EXOC4: variants seen among roughly 807,000 people sequenced by gnomAD.
EXOC4 encodes the protein exocyst complex component 4.
EXOC4 carries 71 observed loss-of-function variants against 107.2 expected under a neutral mutation model. That is an observed-to-expected ratio of 0.66 (90% CI 0.55 to 0.81). The LOEUF is 0.81. EXOC4 is among the 30% of genes least tolerant of loss of function. The pLI is 0.00. For synonymous variants in EXOC4, 456 were observed against 441.2 expected, an observed-to-expected ratio of 1.03 and a Z score of -0.42; for missense variants, 1,108 against 1,189.6, an observed-to-expected ratio of 0.93 and a Z score of 1.01.
intron 17 of EXOC4, among the ~76,000 whole-genome samples, chr7:134,011,192 G>T (rs577491386): frequency 6.6e-6 from 1 of 152,250 alleles, no homozygotes; most frequent in South Asian, 2.1e-4. Flanking sequence ...AACTTGAGCT[G>T]TCATGCACCT....
intron 2 of EXOC4, among the ~76,000 whole-genome samples, chr7:133,285,109 C>G (rs1490754718): frequency 6.6e-6 from 1 of 152,154 alleles, no homozygotes; most frequent in African/African-American, 2.4e-5. Flanking sequence ...CCTTCATCCT[C>G]TCTATATAGT....
At chr7:133,459,419 G>A (rs752698420) in intron 7 of EXOC4, among the ~76,000 whole-genome samples, 7 of 152,160 alleles carry the variant, frequency 4.6e-5, no homozygotes, top group African/African-American at 1.7e-4. Context: ...CCTGGCTGTG[G>A]TTGTCTTTTT....
chr7:133,354,188 C>G (rs1278059671), intron 5 of EXOC4, among the ~76,000 whole-genome samples: 2 of 151,120 alleles, frequency 1.3e-5, no homozygotes, highest in Non-Finnish European at 3.0e-5. Flanking sequence ...CCATATTTGC[C>G]TCTCTATTTC....
intron 10 of EXOC4, among the ~76,000 whole-genome samples, chr7:133,814,709 TG>T (rs915015017): frequency 9.9e-5 from 15 of 152,202 alleles, no homozygotes; most frequent in African/African-American, 3.6e-4. Flanking sequence ...TTTTGGAACT[TG>T]GCCAATTGCA....
At chr7:133,491,270 T>A (rs966265290) in intron 9 of EXOC4, among the ~76,000 whole-genome samples, 1 of 152,248 alleles carries the variant, frequency 6.6e-6, no homozygotes, top group African/African-American at 2.4e-5. Flanking sequence ...TGATGACATC[T>A]ACTGAATTGC....
chr7:133,416,138 G>T (rs747481511), intron 7 of EXOC4, among the ~76,000 whole-genome samples: 1 of 152,120 alleles, frequency 6.6e-6, no homozygotes, highest in Non-Finnish European at 1.5e-5. Context: ...AAATTGTAGG[G>T]AGTATACAAT....
chr7:133,598,741 G>T (rs1801739818), intron 9 of EXOC4, among the ~76,000 whole-genome samples: 1 of 152,128 alleles, frequency 6.6e-6, no homozygotes, highest in African/African-American at 2.4e-5. Context: ...CCCAGCACTG[G>T]GAGGCTGAAG....
chr7:133,713,741 C>A (rs538566418), intron 10 of EXOC4, among the ~76,000 whole-genome samples: 1 of 152,042 alleles, frequency 6.6e-6, no homozygotes. Context: ...ATAAGGGGCT[C>A]TTTCCCCATC....
intron 10 of EXOC4, among the ~76,000 whole-genome samples, chr7:133,730,655 C>T (rs1265222205): frequency 6.6e-6 from 1 of 152,118 alleles, no homozygotes; most frequent in Non-Finnish European, 1.5e-5. Context: ...CTATTACTTG[C>T]TGAATTCTGG....
chr7:133,566,327 A>G (rs567231516), intron 9 of EXOC4, among the ~76,000 whole-genome samples: 2 of 152,282 alleles, frequency 1.3e-5, no homozygotes, highest in South Asian at 4.1e-4. Context: ...TGATTATTTC[A>G]TGGGCTTTAG....
At chr7:133,388,223 A>AT (rs946404379) in intron 7 of EXOC4, among the ~76,000 whole-genome samples, 26 of 152,312 alleles carry the variant, frequency 1.7e-4, no homozygotes, top group African/African-American at 4.6e-4. Context: ...TTATCAATTT[A>AT]TGACTGATAC....
chr7:133,660,666 T>C (rs1803418254), intron 10 of EXOC4, among the ~76,000 whole-genome samples: 2 of 152,224 alleles, frequency 1.3e-5, no homozygotes, highest in South Asian at 4.1e-4. Context: ...GCTTTCCTTA[T>C]CTTTTTAAAA....
Position 133,800,494 on chromosome 7 carries a change from G to A in EXOC4, c.1515-16831G>A, listed in dbSNP as rs1191529861. Among the ~76,000 whole-genome samples, 3 of 152,058 alleles carry A rather than the reference G, an allele frequency of 2.0e-5. No individual in the cohort carries two copies. In the East Asian group the frequency reaches 5.8e-4, roughly 29 times the overall value. On this transcript the variant is annotated intron_variant, in intron 10 of 17. Transcript: ENST00000253861. ...AAAATTCACAACTTTAGGAATAAAA[G>A]TTTTCCAGTTTTGTTTTAATAACAT... is the stretch of plus-strand genomic sequence containing the variant.
At chr7:133,507,761 C>T (rs1799693012) in intron 9 of EXOC4, among the ~76,000 whole-genome samples, 1 of 152,112 alleles carries the variant, frequency 6.6e-6, no homozygotes, top group Non-Finnish European at 1.5e-5. Context: ...TTATAAACTG[C>T]AGCGTTATAA....
intron 9 of EXOC4, among the ~76,000 whole-genome samples, chr7:133,623,709 A>G (rs1238059963): frequency 6.6e-6 from 1 of 152,118 alleles, no homozygotes; most frequent in Non-Finnish European, 1.5e-5. Flanking sequence ...ATTCTGATTT[A>G]CTTGACTTTG....
intron 10 of EXOC4, among the ~76,000 whole-genome samples, chr7:133,682,509 TC>T (rs1794209534): frequency 6.6e-6 from 1 of 152,152 alleles, no homozygotes; most frequent in African/African-American, 2.4e-5. Context: ...GAACTGCAAA[TC>T]CAATTAAACC....
At position 133,408,373 on chromosome 7, in the gene EXOC4, G is replaced by T. The variant is rs546821669; in HGVS notation, c.1182+33371G>T. Among the ~76,000 whole-genome samples, 14 of 151,728 alleles carry T rather than the reference G, an allele frequency of 9.2e-5. No individual in the cohort carries two copies. In the East Asian group the frequency reaches 2.5e-3, roughly 27 times the overall value. Reference sequence around the variant, plus strand: ...GTGGATTGGTGATGGTGGAGGTGATGGTGGTGATGATGGAGAGATTGGTAG... The same window carrying T: ...GTGGATTGGTGATGGTGGAGGTGATTGTGGTGATGATGGAGAGATTGGTAG... On this transcript the variant is annotated intron_variant, in intron 7 of 17. Coordinates refer to ENST00000253861, the MANE Select transcript of EXOC4 (RefSeq NM_021807.4).
At chr7:133,637,415 A>C (rs560153906) in intron 10 of EXOC4, among the ~76,000 whole-genome samples, 38 of 152,316 alleles carry the variant, frequency 2.5e-4, no homozygotes, top group African/African-American at 8.7e-4. Flanking sequence ...TATTTAGCAG[A>C]ATATTATTCT....
chr7:133,898,933 G>T lies in EXOC4; in HGVS notation c.1871+3198G>T, dbSNP rs531837729. ...GTGGAGGTTGCAGTGAGTTGAGATT[G>T]CACCCCTGCACTCCAGACTGGATGA... On this transcript the variant is annotated intron_variant, in intron 12 of 17. Transcript: ENST00000253861. Among the ~76,000 whole-genome samples the T allele has an allele frequency of 1.8e-4, 27 of 150,720 alleles. No individual in the cohort carries two copies. In the South Asian group the frequency reaches 5.6e-3, roughly 31 times the overall value.
Sources: allele counts gnomAD v4.1 joint callset (sites outside exome capture counted in the v4.1 genomes callset), GRCh38; gene constraint gnomAD v4.1.1; transcripts MANE v1.5; gene names NCBI Gene and HGNC (gene_info 2026-07-23, HGNC 2026-07-21).